Variants in KCNT2 observed in about 807,000 individuals in gnomAD.
KCNT2 encodes potassium sodium-activated channel subfamily T member 2, also known as potassium channel subfamily T member 2.
In KCNT2, 67 loss-of-function variants were observed where a neutral mutation model predicts 153.8. That is an observed-to-expected ratio of 0.44 (90% confidence interval 0.36 to 0.53). The LOEUF is 0.53. KCNT2 is among the 20% of genes least tolerant of loss of function. The probability of loss-of-function intolerance (pLI) is 0.00; values close to 1 mark genes in which losing one functional copy is unlikely to be tolerated. For synonymous variants in KCNT2, 500 were observed against 458.8 expected, an observed-to-expected ratio of 1.09 and a Z score of -1.15; for missense variants, 975 against 1,354.8, an observed-to-expected ratio of 0.72 and a Z score of 4.40.
intron 8 of KCNT2, among the ~76,000 whole-genome samples, chr1:196,463,697 T>A (rs1677357586): frequency 1.3e-5 from 2 of 151,782 alleles, no homozygotes; most frequent in Admixed American, 6.6e-5. Context: ...CATTATATAG[T>A]GGAAATTTCA....
At chr1:196,396,433 T>C (rs1182486343) in intron 13 of KCNT2, among the ~76,000 whole-genome samples, 1 of 151,666 alleles carries the variant, frequency 6.6e-6, no homozygotes, top group Admixed American at 6.6e-5. Flanking sequence ...GCATGGTTTC[T>C]TGAGGGCCAT....
At chr1:196,413,297 C>T (rs895637060) in intron 12 of KCNT2, among the ~76,000 whole-genome samples, 1 of 151,664 alleles carries the variant, frequency 6.6e-6, no homozygotes, top group Non-Finnish European at 1.5e-5. Flanking sequence ...TTGAACATCT[C>T]TGAGACTTGG....
At chr1:196,316,825 A>ACT (rs1350326384) in intron 20 of KCNT2, among the ~76,000 whole-genome samples, 1 of 151,784 alleles carries the variant, frequency 6.6e-6, no homozygotes, top group Non-Finnish European at 1.5e-5. Flanking sequence ...GGGAAACATT[A>ACT]TTCTCATTGC....
At chr1:196,339,572 G>T (rs1205427462) in intron 16 of KCNT2, among the ~76,000 whole-genome samples, 1 of 151,564 alleles carries the variant, frequency 6.6e-6, no homozygotes, top group Non-Finnish European at 1.5e-5. Context: ...CAGAGAGAGA[G>T]AGATCAGCCA....
At chr1:196,479,582 T>A (rs546626134) in intron 4 of KCNT2, among the ~76,000 whole-genome samples, 38 of 152,162 alleles carry the variant, frequency 2.5e-4, no homozygotes, top group Non-Finnish European at 4.7e-4. Flanking sequence ...CGTTTTAAAA[T>A]TTTTTTTAAA....
chr1:196,491,848 G>A (rs1264094211), intron 2 of KCNT2, among the ~76,000 whole-genome samples: 1 of 151,984 alleles, frequency 6.6e-6, no homozygotes, highest in Non-Finnish European at 1.5e-5. Context: ...GGAATGATTA[G>A]GAAATATTAA....
intron 8 of KCNT2, among the ~76,000 whole-genome samples, chr1:196,445,944 G>A (rs1414951653): frequency 2.0e-5 from 3 of 151,162 alleles, no homozygotes; most frequent in Non-Finnish European, 4.4e-5. Flanking sequence ...CTGTTTTCCT[G>A]ATCAATGATA....
chr1:196,388,584 T>C (rs1217615009), intron 13 of KCNT2, among the ~76,000 whole-genome samples: 1 of 151,688 alleles, frequency 6.6e-6, no homozygotes, highest in African/African-American at 2.4e-5. Flanking sequence ...GCAATGTTTA[T>C]AGTTTCTTTA....
intron 8 of KCNT2, among the ~76,000 whole-genome samples, chr1:196,458,472 C>T (rs1676871310): frequency 6.6e-6 from 1 of 151,736 alleles, no homozygotes; most frequent in Non-Finnish European, 1.5e-5. Context: ...AATTCTAAAA[C>T]AAAATTTAAT....
chr1:196,428,654 C>T (rs1411878959), intron 9 of KCNT2, among the ~76,000 whole-genome samples: 1 of 152,030 alleles, frequency 6.6e-6, no homozygotes, highest in Non-Finnish European at 1.5e-5. Context: ...CCATAACACA[C>T]AAGGCCACAT....
In KCNT2 at chr1:196,331,148, G is replaced by C; in HGVS notation, c.2103+8C>G. 1 of 1,465,328 alleles carries C rather than the reference G, an allele frequency of 6.8e-7. No homozygotes were observed. The highest frequency in any genetic ancestry group is 2.3e-5 in the East Asian group (1 of 44,024). The allele number at this position is 1,465,328 out of a possible 1,614,324, so 90.8% of individuals were successfully genotyped here. ...TTTGTAAACAAAAAAGCATCAACAA[G>C]TACTTACCTTGTCTAATCTTAAGCA... On this transcript the variant is annotated splice_region_variant and intron_variant, in intron 18 of 27. Transcript: ENST00000294725.
chr1:196,405,507 C>T (rs890628800), intron 12 of KCNT2, among the ~76,000 whole-genome samples: 2 of 151,370 alleles, frequency 1.3e-5, no homozygotes, highest in African/African-American at 4.8e-5. Context: ...ATCACTTTAC[C>T]TATGGCAGGA....
chr1:196,529,454 G>T (rs1004399223), intron 1 of KCNT2, among the ~76,000 whole-genome samples: 5 of 152,054 alleles, frequency 3.3e-5, no homozygotes, highest in South Asian at 2.1e-4. Flanking sequence ...ATGTGGATCC[G>T]CAAGGAACTA....
chr1:196,333,852 G>A lies in KCNT2; in HGVS notation c.1992C>T (p.Asn664=). 6.3e-7 allele frequency: 1 copy of A among 1,593,014 alleles called. No individual in the cohort carries two copies. Among genetic ancestry groups the A allele is most frequent in the Non-Finnish European group, 8.6e-7 (1 of 1,161,884 alleles). The change falls in exon 17 of 28, where the codon AAC becomes AAT. Residue 664 remains asparagine, a synonymous_variant. Coordinates refer to ENST00000294725, the MANE Select transcript of KCNT2 (RefSeq NM_198503.5). ...CTTAGAGTATCTGAACATACTCTAA[G>A]TTTGAAGACATTTCTTCATCTGGTG... The part of the protein sequence containing the change: ...ETTPDEEMSS[N]LEYAKGYPPY...
intron 8 of KCNT2, among the ~76,000 whole-genome samples, chr1:196,453,978 A>G (rs1056332200): frequency 1.4e-5 from 2 of 146,614 alleles, no homozygotes; most frequent in African/African-American, 5.1e-5. Flanking sequence ...AGCCAATTGC[A>G]TATTTTGTCA....
At chr1:196,246,922 A>G (rs1468376435) in intron 26 of KCNT2, among the ~76,000 whole-genome samples, 1 of 152,128 alleles carries the variant, frequency 6.6e-6, no homozygotes, top group Non-Finnish European at 1.5e-5. Flanking sequence ...ATGTCGGAAT[A>G]AGTTGTTACT....
intron 1 of KCNT2, among the ~76,000 whole-genome samples, chr1:196,551,639 T>C (rs1304309592): frequency 6.6e-6 from 1 of 151,478 alleles, no homozygotes; most frequent in Non-Finnish European, 1.5e-5. Flanking sequence ...CAGTGGGGGG[T>C]CAGTGATAGA....
chr1:196,321,948 A>G (rs1016454031), intron 19 of KCNT2, among the ~76,000 whole-genome samples: 5 of 151,956 alleles, frequency 3.3e-5, no homozygotes, highest in African/African-American at 9.7e-5. Context: ...TAATAAAACA[A>G]TTTTTTAATC....
intron 5 of KCNT2, among the ~76,000 whole-genome samples, chr1:196,471,001 C>T (rs1308757963): frequency 6.6e-6 from 1 of 151,708 alleles, no homozygotes; most frequent in African/African-American, 2.4e-5. Flanking sequence ...CTGCCTCAGC[C>T]TCCCAAGTAG....
Sources: allele counts gnomAD v4.1 joint callset (sites outside exome capture counted in the v4.1 genomes callset), GRCh38; gene constraint gnomAD v4.1.1; transcripts MANE v1.5; gene names NCBI Gene and HGNC (gene_info 2026-07-23, HGNC 2026-07-21).